The following SLC36A1 variants were observed in gnomAD, a reference collection of about 807,000 sequenced individuals.
SLC36A1 encodes proton-coupled amino acid transporter 1.
Under a neutral mutation model 47.5 loss-of-function variants are expected in SLC36A1, and 30 were observed. The observed-to-expected ratio is 0.63, with a 90% CI of 0.47 to 0.86. The LOEUF is 0.86. Ranked by LOEUF, SLC36A1 falls within the 40% of genes least tolerant of loss-of-function variation. SLC36A1 has a pLI of 0.00. For missense variants in SLC36A1, 517 were observed against 606.0 expected (o/e 0.85, Z 1.54); for synonymous variants, 255 against 249.7 (o/e 1.02, Z -0.20).
chr5:151,549,217 G>T, the SLC36A1 span: 8 of 1,388,840 alleles, frequency 5.8e-6, no homozygotes, highest in African/African-American at 5.7e-5. Context: ...ATTAATTTGC[G>T]AATTCATGCC....
rs143515745 is a variant in SLC36A1, at chr5:151,451,954, A to G, written c.-6+4141A>G. Reference sequence around the variant, plus strand: ...TCATCTCAAATCTTTGATTTGACTCATCCTGGGGCCTGGATGAGTCAGCCT... The same window carrying G: ...TCATCTCAAATCTTTGATTTGACTCGTCCTGGGGCCTGGATGAGTCAGCCT... On this transcript the variant is annotated intron_variant, in intron 1 of 10. Transcript: ENST00000243389. Among the ~76,000 whole-genome samples the G allele has an allele frequency of 8.0e-4, 122 of 152,200 alleles. 1 individual carries two copies. Among genetic ancestry groups the G allele is most frequent in the Middle Eastern group, 3.4e-3 (1 of 294 alleles).
downstream of SLC36A1, among the ~76,000 whole-genome samples, chr5:151,496,581 A>T (rs1020969121): frequency 5.9e-5 from 9 of 152,184 alleles, no homozygotes; most frequent in Non-Finnish European, 1.2e-4. Flanking sequence ...TTTGAGACAC[A>T]GTCTCACTCT....
the SLC36A1 span, among the ~76,000 whole-genome samples, chr5:151,428,912 C>T: frequency 1.3e-5 from 2 of 152,186 alleles, no homozygotes; most frequent in African/African-American, 2.4e-5. Context: ...GGATTATAGG[C>T]GTGAGCCACT....
chr5:151,382,427 G>C, the SLC36A1 span: 1 of 626,726 alleles, frequency 1.6e-6, no homozygotes, highest in East Asian at 2.7e-5. Context: ...GCTCAGTAGG[G>C]ATAGATGTGT....
chr5:151,536,380 G>A, the SLC36A1 span, among the ~76,000 whole-genome samples: 52 of 152,146 alleles, frequency 3.4e-4, no homozygotes, highest in African/African-American at 1.3e-3. Context: ...AGCTTCCTGC[G>A]ACACCCTTCT....
chr5:151,371,905 G>A, the SLC36A1 span, among the ~76,000 whole-genome samples: 1 of 152,098 alleles, frequency 6.6e-6, no homozygotes, highest in Admixed American at 6.6e-5. Context: ...GACAGGGAAA[G>A]GGGAGGGAGA....
chr5:151,402,164 G>A, the SLC36A1 span, among the ~76,000 whole-genome samples: 3 of 152,078 alleles, frequency 2.0e-5, no homozygotes, highest in Admixed American at 1.3e-4. Flanking sequence ...ATATTCCTCC[G>A]ATGCCTAGTT....
the SLC36A1 span, among the ~76,000 whole-genome samples, chr5:151,386,577 T>C: frequency 6.6e-6 from 1 of 151,908 alleles, no homozygotes; most frequent in South Asian, 2.1e-4. Flanking sequence ...TGAGATACCA[T>C]CCCTCTCACT....
the SLC36A1 span, among the ~76,000 whole-genome samples, chr5:151,388,373 T>C: frequency 6.6e-6 from 1 of 152,000 alleles, no homozygotes; most frequent in African/African-American, 2.4e-5. Context: ...TGTTGGCGCA[T>C]GCCGGTAATC....
the SLC36A1 span, among the ~76,000 whole-genome samples, chr5:151,428,641 T>TG: frequency 7.1e-6 from 1 of 141,816 alleles, no homozygotes; most frequent in African/African-American, 2.8e-5. Flanking sequence ...CTCTGCTGAC[T>TG]TTTTTTTTTT....
chr5:151,427,796 CAG>C, the SLC36A1 span, among the ~76,000 whole-genome samples: 1 of 152,160 alleles, frequency 6.6e-6, no homozygotes, highest in African/African-American at 2.4e-5. Context: ...CCCTGCCACT[CAG>C]GGTATTCAGA....
chr5:151,417,946 A>C, the SLC36A1 span, among the ~76,000 whole-genome samples: 1 of 152,238 alleles, frequency 6.6e-6, no homozygotes, highest in Admixed American at 6.5e-5. Flanking sequence ...CTAGGGCCTT[A>C]CTGCTTTGTG....
At chr5:151,517,836 T>C in the SLC36A1 span, 29 of 1,560,830 alleles carry the variant, frequency 1.9e-5, no homozygotes, top group Non-Finnish European at 2.5e-5. Context: ...TGACTTTGTC[T>C]TATTTAATCC....
At position 151,487,843 on chromosome 5, in the gene SLC36A1, G is replaced by A. The variant is rs980387592; in HGVS notation, c.1160-140G>A. ...TGTTTCTGGGCATCTATTTCACAGA[G>A]ATTGAACTGGACAATGTCTAAGTTT... On this transcript the variant is annotated intron_variant, in intron 10 of 10. Transcript: ENST00000243389. The A allele has an allele frequency of 1.9e-5, 19 of 1,022,084 alleles. No homozygotes were observed. The African/African-American group carries it at 2.7e-4, about 15-fold the overall frequency. 63.3% of individuals were successfully genotyped at this position (1,022,084 alleles called of 1,614,324 possible).
chr5:151,358,980 CAAAAAAAAAAAAAAA>C, the SLC36A1 span, among the ~76,000 whole-genome samples: 4 of 46,254 alleles, frequency 8.6e-5, no homozygotes, highest in African/African-American at 2.6e-4. Flanking sequence ...GACTCCGTCT[CAAAAAAAAAAAAAAA>C]AAAAAAAAAA....
At chr5:151,465,685 C>T (rs956008705) in intron 5 of SLC36A1, among the ~76,000 whole-genome samples, 2 of 152,008 alleles carry the variant, frequency 1.3e-5, no homozygotes, top group Non-Finnish European at 2.9e-5. Context: ...AGGAGTACAC[C>T]CTCAGTGCTC....
At chr5:151,358,760 T>G in the SLC36A1 span, among the ~76,000 whole-genome samples, 1 of 151,050 alleles carries the variant, frequency 6.6e-6, no homozygotes, top group Non-Finnish European at 1.5e-5. Context: ...GATCATGAGG[T>G]CAGGAGATCG....
chr5:151,512,581 T>A, the SLC36A1 span: 1 of 1,612,132 alleles, frequency 6.2e-7, no homozygotes, highest in Non-Finnish European at 8.5e-7. The surrounding 1 kb of genome is among the most constrained non-coding windows in gnomAD (Gnocchi z 4.1). Flanking sequence ...ACAGTGGTAT[T>A]CCAGCTGGGG....
chr5:151,381,808 A>G, the SLC36A1 span, among the ~76,000 whole-genome samples: 1 of 151,996 alleles, frequency 6.6e-6, no homozygotes, highest in African/African-American at 2.4e-5. Context: ...CCTACCCACC[A>G]TGTTATCCTT....
Sources: gnomAD v4.1 joint callset for allele counts (sites outside exome capture counted in the v4.1 genomes callset) on GRCh38, gnomAD v4.1.1 for gene constraint, Gnocchi (gnomAD v3.1) non-coding constraint, MANE v1.5 for transcripts, NCBI Gene and HGNC (gene_info 2026-07-23, HGNC 2026-07-21) for gene names.